Variants in PTPRT observed in about 807,000 individuals in gnomAD.
PTPRT encodes the protein receptor-type tyrosine-protein phosphatase T.
PTPRT carries 56 observed loss-of-function variants against 176.8 expected under a neutral mutation model. The observed-to-expected ratio is 0.32, with a 90% CI of 0.26 to 0.40. The LOEUF (loss-of-function observed/expected upper bound fraction) is 0.40, where lower values mean the gene tolerates loss of function less well. Among genes scored for constraint, PTPRT ranks in the 10% least tolerant of loss-of-function variants. The probability of loss-of-function intolerance (pLI) is 1.00; values close to 1 mark genes in which losing one functional copy is unlikely to be tolerated. For missense variants in PTPRT, 1,540 were observed against 1,908.2 expected, an observed-to-expected ratio of 0.81 and a Z score of 3.60; for synonymous variants, 783 against 739.0, an observed-to-expected ratio of 1.06 and a Z score of -0.96.
chr20:42,511,684 T>C (rs1262284559), intron 7 of PTPRT, among the ~76,000 whole-genome samples: 1 of 152,108 alleles, frequency 6.6e-6, no homozygotes, highest in East Asian at 1.9e-4. Flanking sequence ...AACTTAACTC[T>C]TACTCTAATG....
At chr20:42,239,413 C>CTTTT (rs35978863) in intron 14 of PTPRT, among the ~76,000 whole-genome samples, 2,382 of 81,136 alleles carry the variant, frequency 0.029, no homozygotes, top group Middle Eastern at 0.053. Context: ...CATTTTCTTT[C>CTTTT]TTTTTTTTTT....
In PTPRT at chr20:42,858,416, T is replaced by G. The variant is rs370077012; in HGVS notation, c.214+27391A>C. 3.3e-5 allele frequency among the ~76,000 whole-genome samples: 5 copies of G among 152,296 alleles called. 1 individual carries two copies. Among genetic ancestry groups the G allele is most frequent in the Admixed American group, 1.3e-4 (2 of 15,296 alleles). On this transcript the variant is annotated intron_variant, in intron 2 of 30. Coordinates refer to ENST00000373187, the MANE Select transcript of PTPRT (RefSeq NM_007050.6). ...AAGGCAGGCCAGGATGATCAGATAGTGCTATCATCCGAATGTTTGTGGAGG... is the reference window on the plus strand; with the variant it reads ...AAGGCAGGCCAGGATGATCAGATAGGGCTATCATCCGAATGTTTGTGGAGG...
chr20:43,099,876 C>T (rs2012319984), intron 1 of PTPRT, among the ~76,000 whole-genome samples: 1 of 152,140 alleles, frequency 6.6e-6, no homozygotes, highest in Admixed American at 6.5e-5. Context: ...GACTTCTCTT[C>T]TATTAGCCCA....
At chr20:42,154,431 T>C (rs546995240) in intron 17 of PTPRT, among the ~76,000 whole-genome samples, 1 of 152,192 alleles carries the variant, frequency 6.6e-6, no homozygotes, top group African/African-American at 2.4e-5. Flanking sequence ...AAGAACAAGA[T>C]GGCAACACAG....
intron 19 of PTPRT, 44 bp from the exon 20 acceptor site, chr20:42,120,015 G>T (rs745710937): frequency 1.5e-5 from 24 of 1,553,932 alleles, no homozygotes; most frequent in Non-Finnish European, 2.1e-5. Context: ...TGTTGTCAAA[G>T]CTTGCAAACA....
At chr20:42,285,921 T>G (rs895099781) in intron 12 of PTPRT, among the ~76,000 whole-genome samples, 27 of 151,986 alleles carry the variant, frequency 1.8e-4, no homozygotes, top group African/African-American at 6.5e-4. Context: ...CAAAAATCAG[T>G]ACTGTTTCTA....
rs1291848208 is a variant in PTPRT at position 42,345,165 on chromosome 20, G to A, written c.1865+5463C>T. On this transcript the variant is annotated intron_variant, in intron 11 of 30. Coordinates refer to ENST00000373187, the MANE Select transcript of PTPRT (RefSeq NM_007050.6). ...AAATGGCAGTCAGTAGCCACATATGGCTCCTGAAATTTAAATTAATTAAAA... is the reference window on the plus strand; with the variant it reads ...AAATGGCAGTCAGTAGCCACATATGACTCCTGAAATTTAAATTAATTAAAA... Among the ~76,000 whole-genome samples the A allele has an allele frequency of 6.6e-5, 10 of 151,776 alleles. No homozygotes were observed. The East Asian group carries it at 1.9e-3, about 29-fold the overall frequency.
chr20:43,189,677 TG>T lies in PTPRT; in HGVS notation c.56del (p.Pro19HisfsTer29). ...LSLLLRLQLP[P>X]LPGARAQSAA... ...CGCTCTGAGCCCGGGCGCCGGGCAG[TG>T]GCGGCAGCTGCAGCCTCAGGAGCAG... On this transcript the variant is annotated frameshift_variant, in exon 1 of 31. Coordinates refer to ENST00000373187, the MANE Select transcript of PTPRT (RefSeq NM_007050.6). LOFTEE classifies it high-confidence loss of function. The surrounding 1 kb of genome is among the most constrained non-coding windows in gnomAD (Gnocchi z 5.0). The T allele has an allele frequency of 7.6e-7, 1 of 1,318,160 alleles. No individual in the cohort carries two copies. The highest frequency in any genetic ancestry group is 9.7e-7 in the Non-Finnish European group (1 of 1,035,096). The allele number at this position is 1,318,160 out of a possible 1,614,324, so 81.7% of individuals were successfully genotyped here.
Position 42,624,657 on chromosome 20 carries a change from C to T in PTPRT, c.1153+53209G>A, listed in dbSNP as rs138264874. 2.8e-3 allele frequency among the ~76,000 whole-genome samples: 433 copies of T among 152,250 alleles called. 1 individual carries two copies. The highest frequency in any genetic ancestry group is 9.7e-3 in the African/African-American group (404 of 41,532). On this transcript the variant is annotated intron_variant, in intron 7 of 30. Transcript: ENST00000373187. ...TGTTCTGAAGAGAGTAAAGGAGAAA[C>T]GCCAGGCATGTTCAGAAATCCAGAT...
At chr20:42,570,257 C>T (rs2073131640) in intron 7 of PTPRT, among the ~76,000 whole-genome samples, 1 of 152,178 alleles carries the variant, frequency 6.6e-6, no homozygotes, top group African/African-American at 2.4e-5. Flanking sequence ...CACCTGGAAA[C>T]CCGCCGTGTC....
chr20:42,090,306 G>A (rs751819367), intron 27 of PTPRT, among the ~76,000 whole-genome samples: 55 of 151,246 alleles, frequency 3.6e-4, no homozygotes, highest in African/African-American at 1.0e-3. Context: ...AGGACTGCCC[G>A]TGTGGAAATT....
At chr20:42,987,066 G>C (rs896932610) in intron 1 of PTPRT, among the ~76,000 whole-genome samples, 2 of 152,158 alleles carry the variant, frequency 1.3e-5, no homozygotes, top group Non-Finnish European at 2.9e-5. Context: ...ACAGAACTCA[G>C]GACAGTTGGT....
At chr20:42,689,966 C>T (rs1171199932) in intron 6 of PTPRT, among the ~76,000 whole-genome samples, 1 of 152,134 alleles carries the variant, frequency 6.6e-6, no homozygotes, top group Non-Finnish European at 1.5e-5. Flanking sequence ...TGATTGGTTA[C>T]AGCAGCAATC....
chr20:42,118,031 A>T (rs997538695), intron 21 of PTPRT, among the ~76,000 whole-genome samples: 1 of 152,210 alleles, frequency 6.6e-6, no homozygotes, highest in Non-Finnish European at 1.5e-5. Context: ...ACATTCGACC[A>T]TTTGGGTCAA....
intron 9 of PTPRT, among the ~76,000 whole-genome samples, chr20:42,394,307 GA>G (rs2058828437): frequency 1.3e-5 from 2 of 152,104 alleles, no homozygotes; most frequent in African/African-American, 4.8e-5. Flanking sequence ...AGTCAATCAT[GA>G]TAACTATTTT....
chr20:42,879,208 C>T (rs149258118), intron 2 of PTPRT, among the ~76,000 whole-genome samples: 64 of 152,256 alleles, frequency 4.2e-4, no homozygotes, highest in African/African-American at 1.5e-3. Flanking sequence ...CTTAAGACAA[C>T]AGAAACCTAT....
intron 13 of PTPRT, among the ~76,000 whole-genome samples, chr20:42,249,038 G>C (rs116947408): frequency 6.8e-4 from 104 of 152,342 alleles, no homozygotes; most frequent in Non-Finnish European, 1.2e-3. Flanking sequence ...TGAAGAAACT[G>C]ACATGCAGAG....
chr20:42,884,777 G>A (rs140753041), intron 2 of PTPRT, among the ~76,000 whole-genome samples: 177 of 152,256 alleles, frequency 1.2e-3, no homozygotes, highest in African/African-American at 4.1e-3. Flanking sequence ...AGCAGAAACT[G>A]TAGAAAATGG....
intron 27 of PTPRT, among the ~76,000 whole-genome samples, chr20:42,090,367 T>C (rs1182296555): frequency 6.7e-6 from 1 of 150,326 alleles, no homozygotes; most frequent in Admixed American, 6.7e-5. Flanking sequence ...ATCCTAGATA[T>C]GGGATACTGC....
Sources: allele counts gnomAD v4.1 joint callset (sites outside exome capture counted in the v4.1 genomes callset), GRCh38; gene constraint gnomAD v4.1.1; non-coding constraint Gnocchi (gnomAD v3.1); transcripts MANE v1.5; gene names NCBI Gene and HGNC (gene_info 2026-07-23, HGNC 2026-07-21).